COMMD3: variants seen among roughly 807,000 people sequenced by gnomAD.
The protein encoded by COMMD3 is COMM domain-containing protein 3.
A neutral mutation model predicts 31.2 loss-of-function variants in COMMD3; 31 were observed. That is an observed-to-expected ratio of 0.99 (90% confidence interval 0.75 to 1.34). COMMD3 has a LOEUF of 1.34. COMMD3 is among the 40% of genes most tolerant of loss of function. The pLI, the probability that COMMD3 is intolerant of heterozygous loss-of-function variation, is 0.00. For synonymous variants in COMMD3, 108 were observed against 87.3 expected (o/e 1.24, Z -1.32); for missense variants, 274 against 236.9 (o/e 1.16, Z -1.03).
In COMMD3 at chr10:22,318,808, C is replaced by T; in HGVS notation, c.414C>T (p.Thr138=). Residue 138 remains threonine, a splice_region_variant and synonymous_variant, in exon 6 of 8, where the codon ACC becomes ACT. Coordinates refer to ENST00000376836, the MANE Select transcript of COMMD3 (RefSeq NM_012071.4). ...VSWRLEYQIK[T]NQLHRMYRPA... ...GCGTGTTTGTTGTGTTATTTTAGAC[C>T]AATCAACTTCATAGGATGTACAGAC... The T allele has an allele frequency of 6.2e-7, 1 of 1,613,888 alleles. No individual in the cohort carries two copies. Among genetic ancestry groups the T allele is most frequent in the Non-Finnish European group, 8.5e-7 (1 of 1,179,890 alleles).
At chr10:22,318,344 C>CA in intron 4 of COMMD3, 38 bp downstream of exon 4, 1 of 1,577,266 alleles carries the variant, frequency 6.3e-7, no homozygotes, top group Non-Finnish European at 8.5e-7. Context: ...AGGCACTTTT[C>CA]ACTTGCAGGT....
rs1409596283 is a variant in COMMD3 at position 22,320,247 on chromosome 10, C to T, written c.*249C>T. On this transcript the variant is annotated 3_prime_UTR_variant, in exon 8 of 8. Transcript: ENST00000376836. ...TATCCTATTTTGATCTTTTTCAAGT[C>T]TTCTGAAAGGAAGTAGACAGTATTA... is the stretch of plus-strand genomic sequence containing the variant. 2.0e-6 allele frequency: 2 copies of T among 1,006,434 alleles called. No individual in the cohort carries two copies. The highest frequency in any genetic ancestry group is 1.4e-6 in the Non-Finnish European group (1 of 725,740). The allele number at this position is 1,006,434 out of a possible 1,614,324, so 62.3% of individuals were successfully genotyped here.
Position 22,316,540 on chromosome 10 carries a change from G to A in COMMD3, c.123G>A (p.Ala41=), listed in dbSNP as rs150360383. 23 of 1,548,524 alleles carry A rather than the reference G, an allele frequency of 1.5e-5. No individual in the cohort carries two copies. In the African/African-American group the frequency reaches 3.0e-4, roughly 20 times the overall value. ...TCCAGAGTCTGCTGGACGCCCAGGC[G>A]GACGAGGCCGTGTTAGGTAAGCCGC... ...AAFQSLLDAQ[A]DEAVLDHPDL... The change falls in exon 1 of 8, where the codon GCG becomes GCA. Residue 41 remains alanine (A), a synonymous_variant. Coordinates refer to ENST00000376836, the MANE Select transcript of COMMD3 (RefSeq NM_012071.4).
intron 1 of COMMD3, chr10:22,316,853 A>G (rs1835859978): frequency 1.6e-5 from 4 of 257,198 alleles, no homozygotes; most frequent in Non-Finnish European, 7.4e-6. Context: ...TTTGTGGCCT[A>G]AACATCTAAG....
Position 22,318,115 on chromosome 10 carries a change from G to T in COMMD3, c.262G>T (p.Glu88Ter), listed in dbSNP as rs759874425. 1 of 1,612,510 alleles carries T rather than the reference G, an allele frequency of 6.2e-7. No individual in the cohort carries two copies. The highest frequency in any genetic ancestry group is 8.5e-7 in the Non-Finnish European group (1 of 1,179,668). Residue 88 changes from glutamate (E) to a stop codon, truncating the protein, a stop_gained, in exon 3 of 8, where the codon GAA (glutamate) becomes TAA (stop). Transcript: ENST00000376836. LOFTEE classifies it high-confidence loss of function. ...ADKSTLSTYL[E>*]DCKFDRERIE... The stretch of plus-strand genomic sequence containing the variant: ...TTTTCTTTCTTCTAGCACTTATCTA[G>T]AAGACTGTAAATTTGACAGAGAGCG...
At position 22,318,940 on chromosome 10, in the gene COMMD3, G is replaced by T. The variant is rs1564346388; in HGVS notation, c.469-19G>T. 6.2e-7 allele frequency: 1 copy of T among 1,610,446 alleles called. No homozygotes were observed. The highest frequency in any genetic ancestry group is 8.5e-7 in the Non-Finnish European group (1 of 1,178,868). On this transcript the variant is annotated intron_variant, in intron 6 of 7. Transcript: ENST00000376836. Reference sequence around the variant, plus strand: ...AAATAAACAGCGTTTCTTGTTGCGTGTTTTTTTTCCTGCCCTAGAACACTG... The same window carrying T: ...AAATAAACAGCGTTTCTTGTTGCGTTTTTTTTTTCCTGCCCTAGAACACTG...
rs1471443185 is a variant in COMMD3, at chr10:22,318,970, C to T, written c.480C>T (p.Ser160=). 2.5e-6 allele frequency: 4 copies of T among 1,612,794 alleles called. No individual in the cohort carries two copies. The highest frequency in any genetic ancestry group is 2.2e-5 in the East Asian group (1 of 44,810). Residue 160 remains serine, a synonymous_variant, in exon 7 of 8, where the codon TCC becomes TCT. Coordinates refer to ENST00000376836, the MANE Select transcript of COMMD3 (RefSeq NM_012071.4). ...TTTTCCTGCCCTAGAACACTGATTC[C>T]CCATCCTATCCAGAGATTAGTTTTA... ...LVTLSVQNTD[S]PSYPEISFSC... is the part of the protein sequence containing the mutation.
rs911268493 is a variant in COMMD3 at position 22,316,432 on chromosome 10, G to A, written c.15G>A (p.Glu5=). The A allele has an allele frequency of 1.9e-5, 29 of 1,547,294 alleles. No homozygotes were observed. Among genetic ancestry groups the A allele is most frequent in the Non-Finnish European group, 2.5e-5 (29 of 1,144,812 alleles). ...GCGCGCTCACAATGGAGCTCTCGGA[G>A]TCTGTGCAGAAAGGCTTCCAGATGC... The part of the protein sequence containing the change: MELS[E]SVQKGFQMLA... Residue 5 remains glutamate, a synonymous_variant, in exon 1 of 8, where the codon GAG becomes GAA. Transcript: ENST00000376836.
At position 22,318,410 on chromosome 10, in the gene COMMD3, A is replaced by G; in HGVS notation, c.350+104A>G. The G allele has an allele frequency of 2.1e-6, 3 of 1,462,270 alleles. No individual in the cohort carries two copies. The Admixed American group carries it at 6.7e-5, about 33-fold the overall frequency. 90.6% of individuals were successfully genotyped at this position (1,462,270 alleles called of 1,614,324 possible). ...TCTTCGGGATCTTGACCCAAAGAAA[A>G]GGAGCCAAAGGGCATGTCAAGCAAT... On this transcript the variant is annotated intron_variant, in intron 4 of 7. Transcript: ENST00000376836.
At position 22,320,279 on chromosome 10, in the gene COMMD3, G is replaced by A; in HGVS notation, c.*281G>A. On this transcript the variant is annotated 3_prime_UTR_variant, in exon 8 of 8. Transcript: ENST00000376836. The stretch of plus-strand genomic sequence containing the variant: ...AAGGAAGTAGACAGTATTACACCCT[G>A]AATAAATAAGGTGTTGTTTTCCACA... 1.6e-6 allele frequency: 1 copy of A among 631,736 alleles called. No individual in the cohort carries two copies. The allele number at this position is 631,736 out of a possible 1,614,324, so 39.1% of individuals were successfully genotyped here. A position where few individuals can be genotyped will look rare whatever the true frequency, so the allele number is the denominator to read the frequency against.
intron 7 of COMMD3, 105 bp from the exon 8 acceptor site, chr10:22,319,834 G>A: frequency 7.2e-7 from 1 of 1,390,106 alleles, no homozygotes; most frequent in South Asian, 1.3e-5. Flanking sequence ...TTTTAAACTT[G>A]TTTGGAAGGT....
Position 22,318,166 on chromosome 10 carries a change from C to A in COMMD3, c.313C>A (p.Gln105Lys). The change falls in exon 3 of 8, where the codon CAG (glutamine) becomes AAG (lysine). Residue 105 changes from glutamine to lysine, a missense_variant and splice_region_variant. Physicochemically the swap from Gln to Lys is moderately conservative, Grantham distance 53. Coordinates refer to ENST00000376836, the MANE Select transcript of COMMD3 (RefSeq NM_012071.4). The stretch of plus-strand genomic sequence containing the variant: ...AATAGAACTGTTTTGCACGGAATAT[C>A]AGGTTACTTACTTTAAAATTTTTAA... ...ERIELFCTEY[Q>K]NNKNSLEILL... The A allele has an allele frequency of 1.9e-6, 3 of 1,611,174 alleles. No homozygotes were observed. Among genetic ancestry groups the A allele is most frequent in the Non-Finnish European group, 1.7e-6 (2 of 1,179,318 alleles).
Position 22,316,505 on chromosome 10 carries a change from C to T in COMMD3, c.88C>T (p.Arg30Trp). Reference sequence around the variant, plus strand: ...CTCCAACGCCTTCACGCTTCTCCTCCGGGCGGCATTCCAGAGTCTGCTGGA... The same window carrying T: ...CTCCAACGCCTTCACGCTTCTCCTCTGGGCGGCATTCCAGAGTCTGCTGGA... ...FDSNAFTLLL[R>W]AAFQSLLDAQ... The change falls in exon 1 of 8, where the codon CGG becomes TGG. Residue 30 changes from arginine (R) to tryptophan (W), a missense_variant. Physicochemically the swap from Arg to Trp is moderately radical, Grantham distance 101 (BLOSUM62 -3). Coordinates refer to ENST00000376836, the MANE Select transcript of COMMD3 (RefSeq NM_012071.4). The T allele has an allele frequency of 6.4e-7, 1 of 1,550,412 alleles. No individual in the cohort carries two copies. The highest frequency in any genetic ancestry group is 2.4e-5 in the East Asian group (1 of 40,878).
At chr10:22,317,695 G>C (rs1047536636) in intron 1 of COMMD3, among the ~76,000 whole-genome samples, 189 bp from the exon 2 acceptor site, 1 of 152,140 alleles carries the variant, frequency 6.6e-6, no homozygotes, top group Non-Finnish European at 1.5e-5. Context: ...TAGAGTTCTT[G>C]TTGTGTTCTT....
rs553847791 is a variant in COMMD3, at chr10:22,318,205, T to G, written c.315+37T>G. On this transcript the variant is annotated intron_variant, in intron 3 of 7. Transcript: ENST00000376836. ...TAAAATTTTTAATTAACAGTACTAT[T>G]TTTCTTTTACTTTGTTTGTAAAGAT... 124 of 1,596,866 alleles carry G rather than the reference T, an allele frequency of 7.8e-5. 3 individuals are homozygous for G. In the South Asian group the frequency reaches 1.3e-3, roughly 17 times the overall value.
chr10:22,319,896 A>C, intron 7 of COMMD3, 43 bp from the exon 8 acceptor site: 1 of 1,607,324 alleles, frequency 6.2e-7, no homozygotes, highest in Non-Finnish European at 8.5e-7. Flanking sequence ...ACTTCTTTCC[A>C]TGTTTTATCC....
Position 22,320,165 on chromosome 10 carries a change from G to C in COMMD3, c.*167G>C. ...TGACACTTTAAAAACGTGTGAAAGGGTTAAGAGGGAAAGATACTGCCCAAG... is the reference window on the plus strand; with the variant it reads ...TGACACTTTAAAAACGTGTGAAAGGCTTAAGAGGGAAAGATACTGCCCAAG... On this transcript the variant is annotated 3_prime_UTR_variant, in exon 8 of 8. Coordinates refer to ENST00000376836, the MANE Select transcript of COMMD3 (RefSeq NM_012071.4). 1 of 1,510,372 alleles carries C rather than the reference G, an allele frequency of 6.6e-7. No individual in the cohort carries two copies. The highest frequency in any genetic ancestry group is 1.4e-5 in the African/African-American group (1 of 71,566). 93.6% of individuals were successfully genotyped at this position (1,510,372 alleles called of 1,614,324 possible). A position where few individuals can be genotyped will look rare whatever the true frequency, so the allele number is the denominator to read the frequency against.
intron 2 of COMMD3, 38 bp from the exon 3 acceptor site, chr10:22,318,067 T>G: frequency 6.2e-7 from 1 of 1,605,912 alleles, no homozygotes. Context: ...GTTTTAAAAA[T>G]GGAGACAGAA....
At position 22,316,529 on chromosome 10, in the gene COMMD3, G is replaced by T; in HGVS notation, c.112G>T (p.Asp38Tyr). The change falls in exon 1 of 8, where the codon GAC becomes TAC. Residue 38 changes from aspartate (D) to tyrosine (Y), a missense_variant. Transcript: ENST00000376836. The part of the protein sequence containing the change: ...LLRAAFQSLL[D>Y]AQADEAVLDH... ...CCGGGCGGCATTCCAGAGTCTGCTGGACGCCCAGGCGGACGAGGCCGTGTT... is the reference window on the plus strand; with the variant it reads ...CCGGGCGGCATTCCAGAGTCTGCTGTACGCCCAGGCGGACGAGGCCGTGTT... 1.3e-6 allele frequency: 2 copies of T among 1,549,610 alleles called. No individual in the cohort carries two copies. The highest frequency in any genetic ancestry group is 1.7e-6 in the Non-Finnish European group (2 of 1,146,150).
Sources: allele counts gnomAD v4.1 joint callset (sites outside exome capture counted in the v4.1 genomes callset), GRCh38; gene constraint gnomAD v4.1.1; transcripts MANE v1.5; gene names NCBI Gene and HGNC (gene_info 2026-07-23, HGNC 2026-07-21).